COPA: variants seen among roughly 807,000 people sequenced by gnomAD.
COPA encodes coatomer subunit alpha.
COPA carries 10 observed loss-of-function variants against 158.7 expected under a neutral mutation model. The ratio of observed to expected loss-of-function variants is 0.06; its 90% CI spans 0.04 to 0.11. COPA has a LOEUF of 0.11. Ranked by LOEUF, COPA falls within the 10% of genes least tolerant of loss-of-function variation. The pLI is 1.00. For synonymous variants in COPA, 462 were observed against 542.8 expected, an observed-to-expected ratio of 0.85 and a Z score of 2.07; for missense variants, 1,065 against 1,536.7, an observed-to-expected ratio of 0.69 and a Z score of 5.13.
At chr1:160,312,939 G>T in intron 10 of COPA, 146 bp downstream of exon 10, 1 of 678,842 alleles carries the variant, frequency 1.5e-6, no homozygotes, top group Non-Finnish European at 2.4e-6. Flanking sequence ...AGAAAAAAAG[G>T]AGAAAAGCTT....
At chr1:160,327,563 T>TA (rs564027876) in intron 6 of COPA, among the ~76,000 whole-genome samples, 17 of 111,786 alleles carry the variant, frequency 1.5e-4, no homozygotes, top group Non-Finnish European at 2.3e-4. Flanking sequence ...CGTCTCAAAT[T>TA]AAAAAAAAAG....
rs1053751134 is a variant in COPA, at chr1:160,290,776, T to C, written c.3421-90A>G. ...CACCATGGTTTGGTAGTTCCGTTGATGTGAGACACAACTGTACTGCGTGAA... is the reference window on the plus strand; with the variant it reads ...CACCATGGTTTGGTAGTTCCGTTGACGTGAGACACAACTGTACTGCGTGAA... On this transcript the variant is annotated intron_variant, in intron 31 of 32. Transcript: ENST00000241704. 1.1e-5 allele frequency: 13 copies of C among 1,224,028 alleles called. No individual in the cohort carries two copies. In the Admixed American group the frequency reaches 1.4e-4, roughly 13 times the overall value. 75.8% of individuals were successfully genotyped at this position (1,224,028 alleles called of 1,614,324 possible). A position where few individuals can be genotyped will look rare whatever the true frequency, so the allele number is the denominator to read the frequency against.
intron 22 of COPA, 34 bp from the exon 23 acceptor site, chr1:160,295,893 T>C (rs769423187): frequency 2.0e-5 from 31 of 1,588,748 alleles, no homozygotes; most frequent in Middle Eastern, 3.4e-4. Flanking sequence ...TAAAAACAAA[T>C]AGCACTTGGA....
Position 160,343,177 on chromosome 1 carries a change from G to A in COPA, c.-7C>T, listed in dbSNP as rs557528541. On this transcript the variant is annotated 5_prime_UTR_variant, in exon 1 of 33. Coordinates refer to ENST00000241704, the MANE Select transcript of COPA (RefSeq NM_004371.4). ...TCTCGAATTTGGTTAACATCTCTCAGGTCTCCGACTCCGATGTCTTAATCC... is the reference window on the plus strand; with the variant it reads ...TCTCGAATTTGGTTAACATCTCTCAAGTCTCCGACTCCGATGTCTTAATCC... 6.1e-5 allele frequency: 99 copies of A among 1,613,994 alleles called. No individual in the cohort carries two copies. The highest frequency in any genetic ancestry group is 6.4e-5 in the Non-Finnish European group (76 of 1,180,034).
intron 8 of COPA, chr1:160,317,753 T>A (rs1557869699): frequency 8.3e-7 from 1 of 1,201,206 alleles, no homozygotes; most frequent in Non-Finnish European, 1.2e-6. Flanking sequence ...TTCTCATTTT[T>A]AAAAATAGTT....
At chr1:160,318,285 A>T (rs1441048663) in intron 8 of COPA, among the ~76,000 whole-genome samples, 1 of 152,024 alleles carries the variant, frequency 6.6e-6, no homozygotes, top group African/African-American at 2.4e-5. Flanking sequence ...AAGATTTTTT[A>T]AAAATCTTGT....
chr1:160,323,445 A>T lies in COPA; in HGVS notation c.692T>A (p.Ile231Asn). The change falls in exon 8 of 33, where the codon ATC becomes AAC. Residue 231 changes from isoleucine (I) to asparagine (N), a missense_variant. Physicochemically the swap from Ile to Asn is moderately radical, Grantham distance 149. Coordinates refer to ENST00000241704, the MANE Select transcript of COPA (RefSeq NM_004371.4). ...VSGADDRQVK[I>N]WRMNESKAWE... is the part of the protein sequence containing the mutation. ...GGTTCACTCACCATTCATGCGCCAG[A>T]TCTTCACTTGACGATCATCTGCCCC... The T allele has an allele frequency of 6.2e-7, 1 of 1,609,344 alleles. No homozygotes were observed. Among genetic ancestry groups the T allele is most frequent in the Non-Finnish European group, 8.5e-7 (1 of 1,177,196 alleles).
intron 8 of COPA, among the ~76,000 whole-genome samples, chr1:160,320,792 T>TAAAAAAAA (rs143294298): frequency 1.1e-5 from 1 of 89,202 alleles, no homozygotes; most frequent in Non-Finnish European, 2.2e-5. Context: ...TTCAAACTCT[T>TAAAAAAAA]AAAAAAAAAA....
intron 3 of COPA, 150 bp downstream of exon 3, chr1:160,339,759 A>C (rs1647949376): frequency 1.6e-6 from 1 of 640,102 alleles, no homozygotes. Flanking sequence ...AGCATTCAAT[A>C]AATGTTTGCT....
chr1:160,307,593 C>T (rs1326734915), intron 13 of COPA, among the ~76,000 whole-genome samples: 2 of 150,438 alleles, frequency 1.3e-5, no homozygotes, highest in Non-Finnish European at 2.9e-5. Context: ...CAAAGCAAGC[C>T]TGTGTCATAG....
intron 14 of COPA, among the ~76,000 whole-genome samples, chr1:160,306,922 A>C (rs1571159571): frequency 6.6e-6 from 1 of 152,216 alleles, no homozygotes; most frequent in East Asian, 1.9e-4. Flanking sequence ...CCTGTAGTCA[A>C]GAGTGACTTT....
chr1:160,319,898 A>G (rs1019791859), intron 8 of COPA, among the ~76,000 whole-genome samples: 20 of 148,028 alleles, frequency 1.4e-4, no homozygotes, highest in African/African-American at 4.7e-4. Flanking sequence ...GAAGTTTATA[A>G]CATAAACACC....
chr1:160,293,258 A>G (rs778439520), intron 26 of COPA, 24 bp from the exon 27 acceptor site: 3 of 1,613,762 alleles, frequency 1.9e-6, no homozygotes, highest in Admixed American at 1.7e-5. Context: ...AAAAAACCCA[A>G]GCCAAGTGAA....
At chr1:160,296,223 T>C (rs1658406771) in intron 21 of COPA, 74 bp from the exon 22 acceptor site, 19 of 1,290,920 alleles carry the variant, frequency 1.5e-5, no homozygotes, top group Non-Finnish European at 1.9e-5. Flanking sequence ...ACCTCTGAAA[T>C]GGCCCCCCAG....
chr1:160,310,956 T>C (rs2101843074), intron 11 of COPA, among the ~76,000 whole-genome samples: 1 of 152,298 alleles, frequency 6.6e-6, no homozygotes, highest in East Asian at 1.9e-4. Context: ...TTCCTCTGGC[T>C]TGCAAGAGAC....
chr1:160,303,893 T>C (rs2101834668), intron 17 of COPA, among the ~76,000 whole-genome samples: 1 of 152,286 alleles, frequency 6.6e-6, no homozygotes, highest in Non-Finnish European at 1.5e-5. Context: ...GATGAAAAGG[T>C]GCTCAATCTC....
At chr1:160,332,685 T>C in intron 5 of COPA, 128 bp from the exon 6 acceptor site, 1 of 543,068 alleles carries the variant, frequency 1.8e-6, no homozygotes, top group South Asian at 3.0e-5. Context: ...AGGCAGGTCA[T>C]CCTACCAATT....
chr1:160,292,234 C>G (rs369630694), intron 28 of COPA, 36 bp from the exon 29 acceptor site: 41 of 1,594,312 alleles, frequency 2.6e-5, no homozygotes, highest in Non-Finnish European at 3.2e-5. Context: ...ACAGGATAGT[C>G]AGTAGGCAAC....
In COPA at chr1:160,336,041, C is replaced by T. The variant is rs1437407785; in HGVS notation, c.229-719G>A. On this transcript the variant is annotated intron_variant, in intron 3 of 32. Transcript: ENST00000241704. ...ATATAGACCCCTTAAGTGCTTTACCCATCACTTTTAAAAAGTATGACAGGC... is the reference window on the plus strand; with the variant it reads ...ATATAGACCCCTTAAGTGCTTTACCTATCACTTTTAAAAAGTATGACAGGC... 1.4e-5 allele frequency among the ~76,000 whole-genome samples: 2 copies of T among 147,238 alleles called. 1 individual carries two copies. The highest frequency in any genetic ancestry group is 3.0e-5 in the Non-Finnish European group (2 of 67,778).
Sources: allele counts gnomAD v4.1 joint callset (sites outside exome capture counted in the v4.1 genomes callset), GRCh38; gene constraint gnomAD v4.1.1; transcripts MANE v1.5; gene names NCBI Gene and HGNC (gene_info 2026-07-23, HGNC 2026-07-21).